PITPNC1: variants seen among roughly 807,000 people sequenced by gnomAD.
The protein encoded by PITPNC1 is cytoplasmic phosphatidylinositol transfer protein 1.
A neutral mutation model predicts 44.7 loss-of-function variants in PITPNC1; 18 were observed. The ratio of observed to expected loss-of-function variants is 0.40; its 90% CI spans 0.28 to 0.60. The LOEUF is 0.60. Ranked by LOEUF, PITPNC1 falls within the 20% of genes least tolerant of loss-of-function variation. PITPNC1 has a pLI of 0.39. For missense variants in PITPNC1, 290 were observed against 418.4 expected (o/e 0.69, Z 2.68); for synonymous variants, 141 against 149.6 (o/e 0.94, Z 0.42).
intron 5 of PITPNC1, among the ~76,000 whole-genome samples, chr17:67,620,168 C>A (rs2041811766): frequency 6.6e-6 from 1 of 152,148 alleles, no homozygotes; most frequent in Non-Finnish European, 1.5e-5. Context: ...GTCCTCCTGC[C>A]TCAGCCTCCC....
chr17:67,382,693 C>T (rs1252535435), intron 1 of PITPNC1, among the ~76,000 whole-genome samples: 3 of 150,498 alleles, frequency 2.0e-5, no homozygotes, highest in East Asian at 2.0e-4. Context: ...GGGATGATTT[C>T]GGCTCACTGC....
intron 6 of PITPNC1, among the ~76,000 whole-genome samples, chr17:67,634,470 C>T (rs1319755651): frequency 1.3e-5 from 2 of 151,942 alleles, no homozygotes; most frequent in South Asian, 2.1e-4. Flanking sequence ...GCATGAGAAT[C>T]GCTTGAACCT....
At chr17:67,446,183 G>T (rs373272965) in intron 1 of PITPNC1, among the ~76,000 whole-genome samples, 54 of 151,772 alleles carry the variant, frequency 3.6e-4, no homozygotes, top group African/African-American at 1.3e-3. Flanking sequence ...TTGACTTCAT[G>T]ATCCACCCGC....
At chr17:67,561,796 A>G (rs2040910583) in intron 4 of PITPNC1, among the ~76,000 whole-genome samples, 1 of 152,170 alleles carries the variant, frequency 6.6e-6, no homozygotes, top group African/African-American at 2.4e-5. Context: ...GGTTTTCGCT[A>G]TGTTGCCCAG....
intron 1 of PITPNC1, among the ~76,000 whole-genome samples, chr17:67,473,497 T>G (rs1351599585): frequency 6.6e-6 from 1 of 151,460 alleles, no homozygotes; most frequent in Non-Finnish European, 1.5e-5. Flanking sequence ...TCCGGCTAAT[T>G]TTTTTGTATT....
At chr17:67,615,946 C>T (rs957265593) in intron 5 of PITPNC1, among the ~76,000 whole-genome samples, 22 of 152,238 alleles carry the variant, frequency 1.4e-4, no homozygotes, top group African/African-American at 3.9e-4. Context: ...GAGGAGAATT[C>T]GGACTGAGGC....
intron 5 of PITPNC1, among the ~76,000 whole-genome samples, chr17:67,585,022 A>G (rs1192472862): frequency 6.6e-6 from 1 of 151,348 alleles, no homozygotes; most frequent in African/African-American, 2.4e-5. Context: ...AGGCTGAGGC[A>G]GGAGAATCAC....
intron 5 of PITPNC1, among the ~76,000 whole-genome samples, chr17:67,601,870 G>A (rs2041545082): frequency 6.6e-6 from 1 of 152,112 alleles, no homozygotes; most frequent in Non-Finnish European, 1.5e-5. Context: ...GGCAAGGAGG[G>A]GGAGAAGGGG....
At chr17:67,571,812 T>G (rs1466840115) in intron 4 of PITPNC1, among the ~76,000 whole-genome samples, 1 of 152,252 alleles carries the variant, frequency 6.6e-6, no homozygotes, top group Non-Finnish European at 1.5e-5. Context: ...CAGGAGTGAC[T>G]GACTGTCTTG....
intron 1 of PITPNC1, chr17:67,457,396 T>C (rs1481103889): frequency 6.6e-6 from 1 of 151,090 alleles, no homozygotes; most frequent in African/African-American, 2.5e-5. Flanking sequence ...TTTTGTTTTT[T>C]GTTTTTTGAG....
At chr17:67,448,774 T>C (rs148506645) in intron 1 of PITPNC1, among the ~76,000 whole-genome samples, 1 of 152,152 alleles carries the variant, frequency 6.6e-6, no homozygotes, top group East Asian at 1.9e-4. Flanking sequence ...CATCAATCTT[T>C]CTTGTTTATT....
chr17:67,426,220 A>C (rs2038762922), intron 1 of PITPNC1, among the ~76,000 whole-genome samples: 1 of 152,324 alleles, frequency 6.6e-6, no homozygotes, highest in Non-Finnish European at 1.5e-5. Flanking sequence ...AGACTCTAGA[A>C]CCAGAAATAC....
At chr17:67,607,479 A>G (rs2144285419) in intron 5 of PITPNC1, among the ~76,000 whole-genome samples, 1 of 152,316 alleles carries the variant, frequency 6.6e-6, no homozygotes, top group South Asian at 2.1e-4. Flanking sequence ...GACGTGCTCA[A>G]TCTTGCTGCT....
At chr17:67,572,203 TC>T (rs935306943) in intron 4 of PITPNC1, among the ~76,000 whole-genome samples, 1 of 152,152 alleles carries the variant, frequency 6.6e-6, no homozygotes, top group African/African-American at 2.4e-5. Context: ...CAACGTTTTT[TC>T]CACCCCCACA....
chr17:67,454,111 C>T (rs1335423714), intron 1 of PITPNC1, among the ~76,000 whole-genome samples: 2 of 152,064 alleles, frequency 1.3e-5, no homozygotes, highest in Non-Finnish European at 2.9e-5. Flanking sequence ...ATTACCTGGG[C>T]CTGGTGGCGG....
chr17:67,684,465 G>A (rs571357005), intron 8 of PITPNC1, among the ~76,000 whole-genome samples: 4 of 151,456 alleles, frequency 2.6e-5, no homozygotes, highest in Admixed American at 2.0e-4. Flanking sequence ...CACAAGCAAC[G>A]CATATTTGAT....
chr17:67,608,672 T>TG (rs1355768484), intron 5 of PITPNC1, among the ~76,000 whole-genome samples: 44 of 150,522 alleles, frequency 2.9e-4, no homozygotes, highest in African/African-American at 1.0e-3. Context: ...TCTAGTTTTT[T>TG]TTTTTTTTTT....
At chr17:67,385,675 G>A (rs1325700135) in intron 1 of PITPNC1, among the ~76,000 whole-genome samples, 2 of 152,156 alleles carry the variant, frequency 1.3e-5, no homozygotes, top group East Asian at 1.9e-4. Flanking sequence ...CCCACCGGAA[G>A]GAACCATCTC....
chr17:67,683,162 C>CAAAAAAA lies in PITPNC1; in HGVS notation c.682+7639_682+7645dup, dbSNP rs901577194. ...GGGTGACAAGAGCGAAACTGAGTCT[C>CAAAAAAA]AAAAAAAAAAAAAAAAAAAAAAAAA... On this transcript the variant is annotated intron_variant, in intron 8 of 8. Transcript: ENST00000581322. Among the ~76,000 whole-genome samples the CAAAAAAA allele has an allele frequency of 1.5e-3, 63 of 41,500 alleles. 1 individual carries two copies. The highest frequency in any genetic ancestry group is 2.9e-3 in the African/African-American group (39 of 13,574). The allele number at this position is 41,500 out of a possible 152,430, so 27.2% of individuals were successfully genotyped here.
Sources: allele counts gnomAD v4.1 joint callset (sites outside exome capture counted in the v4.1 genomes callset), GRCh38; gene constraint gnomAD v4.1.1; transcripts MANE v1.5; gene names NCBI Gene and HGNC (gene_info 2026-07-23, HGNC 2026-07-21).